The following SNUPN variants were observed in gnomAD, a reference collection of about 807,000 sequenced individuals.
The protein encoded by SNUPN is snurportin 1.
A neutral mutation model predicts 39.2 loss-of-function variants in SNUPN; 31 were observed. That is an observed-to-expected ratio of 0.79 (90% CI 0.59 to 1.07). The LOEUF (loss-of-function observed/expected upper bound fraction) is 1.07. Among genes scored for constraint, SNUPN ranks in the 50% least tolerant of loss-of-function variants. The pLI is 0.00. For missense variants in SNUPN, 382 were observed against 434.2 expected (o/e 0.88, Z 1.07); for synonymous variants, 132 against 159.0 (o/e 0.83, Z 1.28).
At chr15:75,599,836 A>ATT (rs60918008) in intron 8 of SNUPN, among the ~76,000 whole-genome samples, 72 of 140,522 alleles carry the variant, frequency 5.1e-4, no homozygotes, top group Middle Eastern at 3.7e-3. Context: ...GACTGGGCAG[A>ATT]TTTTTTTTTT....
chr15:75,621,967 C>T (rs375616369), intron 1 of SNUPN, among the ~76,000 whole-genome samples: 131 of 152,174 alleles, frequency 8.6e-4, no homozygotes, highest in African/African-American at 3.1e-3. Flanking sequence ...ACCTGGGAGG[C>T]GGAGGTTGCA....
chr15:75,609,825 G>A (rs530518634), intron 4 of SNUPN, 65 bp downstream of exon 4: 6 of 1,346,950 alleles, frequency 4.5e-6, no homozygotes, highest in Non-Finnish European at 5.3e-6. Context: ...GAGGAAAATG[G>A]AGCACAAAGA....
At chr15:75,612,637 C>T (rs760171567) in intron 3 of SNUPN, among the ~76,000 whole-genome samples, 3 of 151,960 alleles carry the variant, frequency 2.0e-5, no homozygotes, top group African/African-American at 4.8e-5. Flanking sequence ...ATCTATATTG[C>T]GAGATGTCTG....
chr15:75,620,894 G>A lies in SNUPN; in HGVS notation c.158C>T (p.Ser53Phe), dbSNP rs750592282. 3.5e-5 allele frequency: 56 copies of A among 1,612,376 alleles called. No homozygotes were observed. The highest frequency in any genetic ancestry group is 1.5e-4 in the South Asian group (14 of 91,016). The change falls in exon 2 of 9, where the codon TCC becomes TTC. Residue 53 changes from serine to phenylalanine, a missense_variant and splice_region_variant. Ser to Phe is a radical substitution (Grantham distance 155, BLOSUM62 -2). Transcript: ENST00000308588. The part of the protein sequence containing the change: ...RRRRLLELQK[S>F]KRLDYVNHAR... ...AGACAAGGAGTTAAAGCTTCCTTACGATTTCTGCAGTTCCAGTAACCTCCG... is the reference window on the plus strand; with the variant it reads ...AGACAAGGAGTTAAAGCTTCCTTACAATTTCTGCAGTTCCAGTAACCTCCG...
chr15:75,601,333 G>GCCTCCCAAAGTGCT, intron 7 of SNUPN, 115 bp from the exon 8 acceptor site: 1 of 695,510 alleles, frequency 1.4e-6, no homozygotes, highest in Non-Finnish European at 2.5e-6. Flanking sequence ...CCAGCACTTT[G>GCCTCCCAAAGTGCT]GGAGGCAAAG....
chr15:75,605,152 G>C lies in SNUPN; in HGVS notation c.676C>G (p.Pro226Ala). Residue 226 changes from proline (P) to alanine (A), a missense_variant and splice_region_variant, in exon 7 of 9, where the codon CCT (proline) becomes GCT (alanine). Coordinates refer to ENST00000308588, the MANE Select transcript of SNUPN (RefSeq NM_005701.4). ...EGLGEKTKLN[P>A]FKFVGLKNFP... is the part of the protein sequence containing the mutation. ...GTGATCCTAACACCAGGCCTTACAG[G>C]ATTAAGCTTGGTTTTCTCTCCCAGT... 6.2e-7 allele frequency: 1 copy of C among 1,608,186 alleles called. No homozygotes were observed. Among genetic ancestry groups the C allele is most frequent in the Non-Finnish European group, 8.5e-7 (1 of 1,174,872 alleles).
In SNUPN at chr15:75,610,033, T is replaced by A. The variant is rs369012340; in HGVS notation, c.304-39A>T. ...AAATAGTGTTAAAGATCAGCAGGGG[T>A]GTGCTACTCGAAAGTCTGCAATGAC... On this transcript the variant is annotated intron_variant, in intron 3 of 8. Coordinates refer to ENST00000308588, the MANE Select transcript of SNUPN (RefSeq NM_005701.4). 1.2e-5 allele frequency: 18 copies of A among 1,481,526 alleles called. No individual in the cohort carries two copies. The African/African-American group carries it at 1.9e-4, about 16-fold the overall frequency. The allele number at this position is 1,481,526 out of a possible 1,614,324, so 91.8% of individuals were successfully genotyped here.
chr15:75,621,865 G>A (rs1034969922), intron 1 of SNUPN, among the ~76,000 whole-genome samples: 6 of 150,978 alleles, frequency 4.0e-5, no homozygotes, highest in African/African-American at 4.9e-5. Context: ...GTGAAACCCC[G>A]TCTCTACTAA....
chr15:75,621,135 T>A, intron 1 of SNUPN, 79 bp from the exon 2 acceptor site: 2 of 1,365,632 alleles, frequency 1.5e-6, no homozygotes, highest in Non-Finnish European at 2.0e-6. Context: ...AGTTATGATA[T>A]GATGGCCACA....
chr15:75,607,362 G>T (rs2075339236), intron 5 of SNUPN, 49 bp from the exon 6 acceptor site: 1 of 1,318,998 alleles, frequency 7.6e-7, no homozygotes, highest in African/African-American at 1.4e-5. Flanking sequence ...TTCCAACCAG[G>T]TTCCCTCCAC....
Position 75,617,476 on chromosome 15 carries a change from T to C in SNUPN, c.235A>G (p.Asn79Asp), listed in dbSNP as rs774741314. The change falls in exon 3 of 9, where the codon AAT becomes GAT. Residue 79 changes from asparagine (N) to aspartate (D), a missense_variant. Asn to Asp is a conservative substitution (Grantham distance 23). Transcript: ENST00000308588. ...TCCATTTCTTCATCATCTTTCTTAT[T>C]TTCTTCCTCACTCTCCATCCCTGTC... Reference protein sequence around the residue: ...DWTGMESEEENKKDDEEMDID... With the variant: ...DWTGMESEEEDKKDDEEMDID... 6.2e-7 allele frequency: 1 copy of C among 1,614,064 alleles called. No homozygotes were observed. The highest frequency in any genetic ancestry group is 8.5e-7 in the Non-Finnish European group (1 of 1,180,030).
chr15:75,606,489 G>T (rs1272828933), intron 6 of SNUPN, among the ~76,000 whole-genome samples: 1 of 151,804 alleles, frequency 6.6e-6, no homozygotes, highest in Non-Finnish European at 1.5e-5. Flanking sequence ...GGAGCAAAAG[G>T]AAGTACCAAA....
rs573536461 is a variant in SNUPN, at chr15:75,605,868, G to A, written c.601-641C>T. On this transcript the variant is annotated intron_variant, in intron 6 of 8. Coordinates refer to ENST00000308588, the MANE Select transcript of SNUPN (RefSeq NM_005701.4). ...TCAGCTTCCATATCTATATGTCAAGGACAGGCCAGGTGCAGTCGTTCATGC... is the reference window on the plus strand; with the variant it reads ...TCAGCTTCCATATCTATATGTCAAGAACAGGCCAGGTGCAGTCGTTCATGC... Among the ~76,000 whole-genome samples the A allele has an allele frequency of 3.3e-5, 5 of 152,236 alleles. No homozygotes were observed. In the South Asian group the frequency reaches 8.3e-4, roughly 25 times the overall value.
At chr15:75,609,144 A>C (rs1007376667) in intron 5 of SNUPN, among the ~76,000 whole-genome samples, 65 of 151,458 alleles carry the variant, frequency 4.3e-4, no homozygotes, top group Non-Finnish European at 6.8e-4. Flanking sequence ...AAACAAAAAA[A>C]AAAAACAAAG....
intron 3 of SNUPN, among the ~76,000 whole-genome samples, chr15:75,616,999 C>A (rs975607837): frequency 2.6e-5 from 4 of 152,204 alleles, no homozygotes; most frequent in Non-Finnish European, 5.9e-5. Flanking sequence ...AAAGACTCTA[C>A]CACCCAGGGA....
chr15:75,598,254 A>C lies in SNUPN; in HGVS notation c.*104T>G, dbSNP rs2075256729. 3 of 900,070 alleles carry C rather than the reference A, an allele frequency of 3.3e-6. No homozygotes were observed. In the South Asian group the frequency reaches 5.3e-5, roughly 16 times the overall value. 55.8% of individuals were successfully genotyped at this position (900,070 alleles called of 1,614,324 possible). Reference sequence around the variant, plus strand: ...GTTTCCAGCTGGACTGGGTTTGGAAAGTTCACTCTAAAGAATGAAGTCACC... The same window carrying C: ...GTTTCCAGCTGGACTGGGTTTGGAACGTTCACTCTAAAGAATGAAGTCACC... On this transcript the variant is annotated 3_prime_UTR_variant, in exon 9 of 9. Transcript: ENST00000308588.
At chr15:75,623,656 G>C (rs183399108) in intron 1 of SNUPN, among the ~76,000 whole-genome samples, 198 of 151,802 alleles carry the variant, frequency 1.3e-3, no homozygotes, top group African/African-American at 4.5e-3. Flanking sequence ...TGTTGGCGTG[G>C]CTGGTCTGAA....
At position 75,598,398 on chromosome 15, in the gene SNUPN, G is replaced by C. The variant is rs772127995; in HGVS notation, c.1043C>G (p.Ser348Cys). ...HLSTPKLKGS[S>C]HSPDHPGCLM... ...GCATCCAGGGTGGTCTGGGCTATGG[G>C]AAGAACCCTTCAACTTGGGAGTAGA... The change falls in exon 9 of 9, where the codon TCC (serine) becomes TGC (cysteine). Residue 348 changes from serine (S) to cysteine (C), a missense_variant. Ser to Cys is a moderately radical substitution (Grantham distance 112). Transcript: ENST00000308588. 3 of 1,614,210 alleles carry C rather than the reference G, an allele frequency of 1.9e-6. No homozygotes were observed. The highest frequency in any genetic ancestry group is 3.3e-5 in the Admixed American group (2 of 60,022).
At chr15:75,617,617 C>T (rs1892971163) in intron 2 of SNUPN, 65 bp from the exon 3 acceptor site, 9 of 1,517,170 alleles carry the variant, frequency 5.9e-6, no homozygotes, top group Non-Finnish European at 6.2e-6. Context: ...GACAGGGTCT[C>T]GCTCTGTTGC....
Sources: allele counts gnomAD v4.1 joint callset (sites outside exome capture counted in the v4.1 genomes callset), GRCh38; gene constraint gnomAD v4.1.1; transcripts MANE v1.5; gene names NCBI Gene and HGNC (gene_info 2026-07-23, HGNC 2026-07-21).